The following MYO16 variants were observed in gnomAD, a reference collection of about 807,000 sequenced individuals.
MYO16 encodes the protein unconventional myosin-XVI.
In MYO16, 94 loss-of-function variants were observed where a neutral mutation model predicts 205.3. The observed-to-expected ratio is 0.46, with a 90% confidence interval of 0.39 to 0.54. The LOEUF (loss-of-function observed/expected upper bound fraction) is 0.54, where lower values mean the gene tolerates loss of function less well. Among genes scored for constraint, MYO16 ranks in the 20% least tolerant of loss-of-function variants. The pLI is 0.00. For synonymous variants in MYO16, 988 were observed against 954.0 expected, an observed-to-expected ratio of 1.04 and a Z score of -0.66; for missense variants, 2,315 against 2,387.5, an observed-to-expected ratio of 0.97 and a Z score of 0.63.
rs1169606180 is a variant in MYO16, at chr13:109,029,447, A to G, written c.2796+9536A>G. Among the ~76,000 whole-genome samples the G allele has an allele frequency of 2.0e-5, 3 of 152,078 alleles. No homozygotes were observed. The East Asian group carries it at 5.8e-4, about 29-fold the overall frequency. ...TCCACCTGTGTCAGGAACACCTTTC[A>G]TAACGTGTCCTTTACCTCCCTGGAG... On this transcript the variant is annotated intron_variant, in intron 23 of 34. Coordinates refer to ENST00000457511, the MANE Select transcript of MYO16 (RefSeq NM_001198950.3).
At chr13:109,119,584 T>C (rs1344648116) in intron 28 of MYO16, among the ~76,000 whole-genome samples, 1 of 152,210 alleles carries the variant, frequency 6.6e-6, no homozygotes, top group African/African-American at 2.4e-5. Context: ...CACAAGAGAA[T>C]TACTTAAAAA....
chr13:108,521,845 A>G, the MYO16 span, among the ~76,000 whole-genome samples: 4 of 152,216 alleles, frequency 2.6e-5, no homozygotes, highest in Non-Finnish European at 5.9e-5. Context: ...CCTATTTTGT[A>G]TACGTTTTAT....
chr13:108,784,184 G>A (rs1886390222), intron 4 of MYO16, among the ~76,000 whole-genome samples: 1 of 151,964 alleles, frequency 6.6e-6, no homozygotes, highest in Non-Finnish European at 1.5e-5. Flanking sequence ...GAGACTAAAG[G>A]AAAAGAATCA....
chr13:108,900,737 GTGTT>G (rs1472198889), intron 15 of MYO16, among the ~76,000 whole-genome samples: 2 of 152,188 alleles, frequency 1.3e-5, no homozygotes, highest in African/African-American at 2.4e-5. Context: ...TAGAGCATGT[GTGTT>G]TGAACAATAT....
chr13:108,739,578 T>G (rs1414432950), intron 4 of MYO16, among the ~76,000 whole-genome samples: 2 of 152,200 alleles, frequency 1.3e-5, no homozygotes, highest in African/African-American at 4.8e-5. Context: ...CATTTTCCCT[T>G]CATTTCATCT....
rs35311611 is a variant in MYO16 at position 108,792,512 on chromosome 13, C to CTTT, written c.617-990_617-988dup. ...AGTTTTCCAGTTTTTATACTAATGT[C>CTTT]TTTTTTTTTTTTTTTTGAGATGGAG... On this transcript the variant is annotated intron_variant, in intron 5 of 34. Transcript: ENST00000457511. Among the ~76,000 whole-genome samples the CTTT allele has an allele frequency of 6.5e-3, 836 of 129,284 alleles. 24 individuals carry two copies. Among genetic ancestry groups the CTTT allele is most frequent in the South Asian group, 0.053 (215 of 4,050 alleles). The allele number at this position is 129,284 out of a possible 152,430, so 84.8% of individuals were successfully genotyped here. A position where few individuals can be genotyped will look rare whatever the true frequency, so the allele number is the denominator to read the frequency against.
At chr13:109,065,799 G>A (rs2139637012) in intron 27 of MYO16, among the ~76,000 whole-genome samples, 1 of 152,260 alleles carries the variant, frequency 6.6e-6, no homozygotes, top group Non-Finnish European at 1.5e-5. Flanking sequence ...ATCCGGGGTA[G>A]CAAACTTGCA....
At chr13:109,137,966 T>C (rs1876859468) in intron 31 of MYO16, among the ~76,000 whole-genome samples, 2 of 152,210 alleles carry the variant, frequency 1.3e-5, no homozygotes. Flanking sequence ...AACTCACTCA[T>C]TTGGTGTATT....
chr13:108,705,213 C>G (rs557748389), intron 2 of MYO16, among the ~76,000 whole-genome samples: 2 of 152,284 alleles, frequency 1.3e-5, no homozygotes, highest in South Asian at 2.1e-4. Context: ...AACTCTTTGT[C>G]CAGCATATAC....
At chr13:108,733,894 G>A (rs186583779) in intron 4 of MYO16, among the ~76,000 whole-genome samples, 430 of 152,304 alleles carry the variant, frequency 2.8e-3, no homozygotes, top group African/African-American at 9.9e-3. Flanking sequence ...GTGTGAACAT[G>A]GGAGGCGGAG....
the MYO16 span, among the ~76,000 whole-genome samples, chr13:108,586,272 T>C: frequency 6.6e-6 from 1 of 152,196 alleles, no homozygotes; most frequent in South Asian, 2.1e-4. Context: ...CAAATAAAGT[T>C]TATAAATGAT....
chr13:109,158,693 T>A (rs1364712632), intron 32 of MYO16, among the ~76,000 whole-genome samples: 3 of 151,946 alleles, frequency 2.0e-5, no homozygotes, highest in African/African-American at 7.3e-5. Flanking sequence ...TGTCCAGAGA[T>A]TGAAGCATAT....
At chr13:108,805,045 A>G (rs1887072617) in intron 6 of MYO16, among the ~76,000 whole-genome samples, 1 of 152,244 alleles carries the variant, frequency 6.6e-6, no homozygotes, top group African/African-American at 2.4e-5. Flanking sequence ...GCTAAAAATT[A>G]GTATCTTCTG....
chr13:108,866,806 C>T (rs925585636), intron 12 of MYO16, among the ~76,000 whole-genome samples: 1 of 151,984 alleles, frequency 6.6e-6, no homozygotes, highest in African/African-American at 2.4e-5. Flanking sequence ...TTTTGTGTAA[C>T]AACAAGGCTG....
chr13:108,529,652 A>G, the MYO16 span, among the ~76,000 whole-genome samples: 1 of 152,326 alleles, frequency 6.6e-6, no homozygotes, highest in African/African-American at 2.4e-5. Context: ...TTAATTGTGA[A>G]GTGCATAACT....
chr13:108,853,954 T>TTGTGGGGGTGTG (rs1555305769), intron 10 of MYO16, among the ~76,000 whole-genome samples: 8 of 138,500 alleles, frequency 5.8e-5, no homozygotes, highest in African/African-American at 2.1e-4. Context: ...GTTTCTATTA[T>TTGTGGGGGTGTG]TGTGTGTGTG....
At chr13:109,044,848 C>G (rs1229980354) in intron 23 of MYO16, among the ~76,000 whole-genome samples, 2 of 152,108 alleles carry the variant, frequency 1.3e-5, no homozygotes, top group African/African-American at 4.8e-5. Context: ...TGTCACCACA[C>G]CCAGCTAATT....
At chr13:108,560,005 A>G in the MYO16 span, among the ~76,000 whole-genome samples, 1 of 152,072 alleles carries the variant, frequency 6.6e-6, no homozygotes, top group Non-Finnish European at 1.5e-5. Flanking sequence ...CCCCTCTAAC[A>G]CCCTTCCTAA....
At chr13:109,174,055 C>A (rs1879053377) in intron 33 of MYO16, among the ~76,000 whole-genome samples, 1 of 151,668 alleles carries the variant, frequency 6.6e-6, no homozygotes, top group African/African-American at 2.4e-5. Flanking sequence ...TGAATTCATT[C>A]ACTACTTAAG....
Sources: allele counts gnomAD v4.1 joint callset (sites outside exome capture counted in the v4.1 genomes callset), GRCh38; gene constraint gnomAD v4.1.1; transcripts MANE v1.5; gene names NCBI Gene and HGNC (gene_info 2026-07-23, HGNC 2026-07-21).